GRIK5: variants seen among roughly 807,000 people sequenced by gnomAD.
GRIK5 encodes glutamate receptor ionotropic, kainate 5.
A neutral mutation model predicts 97.4 loss-of-function variants in GRIK5; 43 were observed. The observed-to-expected ratio is 0.44, with a 90% CI of 0.35 to 0.57. The LOEUF (loss-of-function observed/expected upper bound fraction) is 0.57, where lower values mean the gene tolerates loss of function less well. Among genes scored for constraint, GRIK5 ranks in the 20% least tolerant of loss-of-function variants. The pLI, the probability that GRIK5 is intolerant of heterozygous loss-of-function variation, is 0.01. For synonymous variants in GRIK5, 580 were observed against 583.5 expected (o/e 0.99, Z 0.09); for missense variants, 1,015 against 1,382.0 (o/e 0.73, Z 4.21).
chr19:42,068,254 G>A (rs1427509733), intron 1 of GRIK5, among the ~76,000 whole-genome samples: 1 of 152,146 alleles, frequency 6.6e-6, no homozygotes, highest in Non-Finnish European at 1.5e-5. Flanking sequence ...GCAAGCACCT[G>A]CAGGAGAGGC....
intron 15 of GRIK5, among the ~76,000 whole-genome samples, chr19:42,007,391 G>A (rs1357670359): frequency 2.6e-5 from 4 of 152,128 alleles, no homozygotes; most frequent in Non-Finnish European, 2.9e-5. Context: ...GACCACGCCC[G>A]GCCAGGAAAC....
intron 17 of GRIK5, 35 bp downstream of exon 17, chr19:42,005,688 G>T: frequency 6.7e-7 from 1 of 1,488,396 alleles, no homozygotes; most frequent in Non-Finnish European, 9.3e-7. Context: ...GGATGCCCAC[G>T]GCCCTGCTGT....
chr19:42,008,903 A>G (rs1468066461), intron 15 of GRIK5, among the ~76,000 whole-genome samples: 2 of 152,240 alleles, frequency 1.3e-5, no homozygotes, highest in Non-Finnish European at 2.9e-5. Flanking sequence ...GAAAGGGATT[A>G]CACAGATTAG....
rs1242199202 is a variant in GRIK5, at chr19:42,042,733, C to T, written c.1292G>A (p.Arg431Gln). ...CCCCGACAGGGCCTGGAAGTTGGGC[C>T]GGCGCATGACGTATGGGTTCTCCTG... ...TILENPYVMR[R>Q]PNFQALSGNE... is the part of the protein sequence containing the mutation. Residue 431 changes from arginine (R) to glutamine (Q), a missense_variant, in exon 12 of 20, where the codon CGG (arginine) becomes CAG (glutamine). By Grantham distance (43) the Arg-to-Gln change is conservative. Coordinates refer to ENST00000593562, the MANE Select transcript of GRIK5 (RefSeq NM_002088.5). The surrounding 1 kb of genome is among the most constrained non-coding windows in gnomAD (Gnocchi z 6.9). The T allele has an allele frequency of 5.0e-6, 8 of 1,613,540 alleles. No homozygotes were observed. Among genetic ancestry groups the T allele is most frequent in the South Asian group, 1.1e-5 (1 of 91,042 alleles).
In GRIK5 at chr19:42,065,793, C is replaced by T. The variant is rs771039769; in HGVS notation, c.-23G>A. 105 of 1,540,604 alleles carry T rather than the reference C, an allele frequency of 6.8e-5. No homozygotes were observed. Among genetic ancestry groups the T allele is most frequent in the South Asian group, 3.3e-4 (28 of 84,332 alleles). ...CATCTTCCTCCCCTCCTCATGGGGA[C>T]GCAGCTGCCGCGGCCCCCACTCGCC... On this transcript the variant is annotated 5_prime_UTR_variant, in exon 2 of 20. Coordinates refer to ENST00000593562, the MANE Select transcript of GRIK5 (RefSeq NM_002088.5). The surrounding 1 kb of genome is among the most constrained non-coding windows in gnomAD (Gnocchi z 5.8).
At chr19:42,060,046 C>A (rs2076238883) in intron 5 of GRIK5, among the ~76,000 whole-genome samples, 1 of 152,072 alleles carries the variant, frequency 6.6e-6, no homozygotes, top group South Asian at 2.1e-4. Context: ...TACACAGCAG[C>A]CAGAATGATA....
At position 42,023,323 on chromosome 19, in the gene GRIK5, TG is replaced by T. The variant is rs1383930479; in HGVS notation, c.1474-970del. The stretch of plus-strand genomic sequence containing the variant: ...GGCAGTGTGGCAGGGGCCCAGAATG[TG>T]GATTCGGAGAATCTCTCTGGGAATT... On this transcript the variant is annotated intron_variant, in intron 12 of 19. Coordinates refer to ENST00000593562, the MANE Select transcript of GRIK5 (RefSeq NM_002088.5). Among the ~76,000 whole-genome samples the T allele has an allele frequency of 3.3e-5, 5 of 152,144 alleles. No homozygotes were observed. The East Asian group carries it at 9.6e-4, about 29-fold the overall frequency.
chr19:42,045,452 G>A (rs1029901641), intron 11 of GRIK5, among the ~76,000 whole-genome samples: 6 of 152,320 alleles, frequency 3.9e-5, no homozygotes, highest in African/African-American at 1.4e-4. Context: ...GCCGCAGTGT[G>A]CCCAAGTGAG....
In GRIK5 at chr19:42,002,134, G is replaced by T. The variant is rs1267970797; in HGVS notation, c.2514+1198C>A. On this transcript the variant is annotated intron_variant, in intron 19 of 19. Coordinates refer to ENST00000593562, the MANE Select transcript of GRIK5 (RefSeq NM_002088.5). The surrounding 1 kb of genome is among the most constrained non-coding windows in gnomAD (Gnocchi z 5.2). ...GGAATTTCAGACATGGAAGTTGCTG[G>T]TGACAAGAGTGGCTTCAGTGGAGTG... 7.0e-6 allele frequency: 5 copies of T among 717,452 alleles called. No individual in the cohort carries two copies. Among genetic ancestry groups the T allele is most frequent in the Non-Finnish European group, 1.3e-5 (5 of 384,946 alleles). 44.4% of individuals were successfully genotyped at this position (717,452 alleles called of 1,614,324 possible). A position where few individuals can be genotyped will look rare whatever the true frequency, so the allele number is the denominator to read the frequency against.
At position 42,053,891 on chromosome 19, in the gene GRIK5, G is replaced by A; in HGVS notation, c.1095C>T (p.Asn365=). ...TGTAGTTGGTTCTCTGCCCTTTGCTGTTGAACTCGACCCGCCCGGTCAGCC... is the reference window on the plus strand; with the variant it reads ...TGTAGTTGGTTCTCTGCCCTTTGCTATTGAACTCGACCCGCCCGGTCAGCC... ...YDGLTGRVEF[N]SKGQRTNYTL... Residue 365 remains asparagine, a synonymous_variant, in exon 10 of 20, where the codon AAC becomes AAT. Coordinates refer to ENST00000593562, the MANE Select transcript of GRIK5 (RefSeq NM_002088.5). 6.2e-7 allele frequency: 1 copy of A among 1,614,022 alleles called. No individual in the cohort carries two copies. Among genetic ancestry groups the A allele is most frequent in the Non-Finnish European group, 8.5e-7 (1 of 1,179,924 alleles).
rs2075483032 is a variant in GRIK5, at chr19:42,005,865, C to G, written c.2121G>C (p.Glu707Asp). The G allele has an allele frequency of 1.2e-6, 2 of 1,611,482 alleles. No homozygotes were observed. Among genetic ancestry groups the G allele is most frequent in the Non-Finnish European group, 1.7e-6 (2 of 1,177,804 alleles). ...QPSVFVKSTE[E>D]GIARVLNSRY... is the part of the protein sequence containing the mutation. ...GGGAGTTGAGGACGCGGGCAATGCC[C>G]TCTTCTGTGCTCTTGACGAACACGC... The change falls in exon 17 of 20, where the codon GAG becomes GAC. Residue 707 changes from glutamate to aspartate, a missense_variant. Glu to Asp is a conservative substitution (Grantham distance 45). This residue lies in a region of GRIK5 where 229 missense variants were observed against 341.0 expected (regional missense o/e 0.67). Transcript: ENST00000593562.
intron 15 of GRIK5, among the ~76,000 whole-genome samples, chr19:42,019,543 A>T (rs2075671939): frequency 6.6e-6 from 1 of 152,224 alleles, no homozygotes; most frequent in Non-Finnish European, 1.5e-5. Flanking sequence ...AATCCCCAGA[A>T]CACATGAAGA....
intron 15 of GRIK5, among the ~76,000 whole-genome samples, chr19:42,013,225 G>GCA (rs2075584793): frequency 6.6e-6 from 1 of 151,556 alleles, no homozygotes. Flanking sequence ...AATTAGCCAG[G>GCA]CACGTAGTCC....
At position 42,022,684 on chromosome 19, in the gene GRIK5, A is replaced by C. The variant is rs957498687; in HGVS notation, c.1474-330T>G. The C allele has an allele frequency of 7.1e-6, 7 of 984,502 alleles. No homozygotes were observed. In the African/African-American group the frequency reaches 1.2e-4, roughly 17 times the overall value. 61.0% of individuals were successfully genotyped at this position (984,502 alleles called of 1,614,324 possible). ...GCAGCAACTTCTCCCTAGGGCCATAAAAGAGCCAAGGTCCTGAAGGGGCTG... is the reference window on the plus strand; with the variant it reads ...GCAGCAACTTCTCCCTAGGGCCATACAAGAGCCAAGGTCCTGAAGGGGCTG... On this transcript the variant is annotated intron_variant, in intron 12 of 19. Transcript: ENST00000593562. The surrounding 1 kb of genome is among the most constrained non-coding windows in gnomAD (Gnocchi z 4.2).
intron 15 of GRIK5, among the ~76,000 whole-genome samples, chr19:42,011,716 T>TA (rs1420430733): frequency 6.6e-6 from 1 of 152,176 alleles, no homozygotes; most frequent in Non-Finnish European, 1.5e-5. Context: ...GCTCACGCTG[T>TA]AATTCCATCA....
intron 11 of GRIK5, among the ~76,000 whole-genome samples, chr19:42,052,698 A>G (rs1306048369): frequency 2.0e-5 from 3 of 152,148 alleles, no homozygotes; most frequent in Non-Finnish European, 4.4e-5. Flanking sequence ...TGTGAAGAGC[A>G]TGGCTGCCTG....
chr19:42,015,011 T>C (rs1311749115), intron 15 of GRIK5, among the ~76,000 whole-genome samples: 2 of 152,182 alleles, frequency 1.3e-5, no homozygotes, highest in East Asian at 3.8e-4. Flanking sequence ...AGTGCCTATA[T>C]TAGTATCAAA....
Position 42,021,351 on chromosome 19 carries a change from G to T in GRIK5, c.1821C>A (p.Gly607=). The T allele has an allele frequency of 6.2e-7, 1 of 1,613,598 alleles. No individual in the cohort carries two copies. Among genetic ancestry groups the T allele is most frequent in the Non-Finnish European group, 8.5e-7 (1 of 1,179,892 alleles). Residue 607 remains glycine, a synonymous_variant, in exon 15 of 20, where the codon GGC becomes GGA. Coordinates refer to ENST00000593562, the MANE Select transcript of GRIK5 (RefSeq NM_002088.5). The surrounding 1 kb of genome is among the most constrained non-coding windows in gnomAD (Gnocchi z 4.2). ...WFPVGGFMQQ[G]SEIMPRALST... ...ACAGCGCCCGGGGCATGATCTCCGA[G>T]CCCTGCTGCATGAAGCCCCCCACGG...
At chr19:42,031,861 A>G (rs986139731) in intron 12 of GRIK5, among the ~76,000 whole-genome samples, 2 of 152,236 alleles carry the variant, frequency 1.3e-5, no homozygotes, top group Non-Finnish European at 2.9e-5. Flanking sequence ...GGCCAGGTGC[A>G]ACAACCCATG....
Sources: gnomAD v4.1 joint callset for allele counts (sites outside exome capture counted in the v4.1 genomes callset) on GRCh38, gnomAD v4.1.1 for gene constraint, gnomAD v4.1.1 regional missense constraint, Gnocchi (gnomAD v3.1) non-coding constraint, MANE v1.5 for transcripts, NCBI Gene and HGNC (gene_info 2026-07-23, HGNC 2026-07-21) for gene names.